The following SSBP2 variants were observed in gnomAD, a reference collection of about 807,000 sequenced individuals.
SSBP2 encodes the protein single-stranded DNA-binding protein 2.
SSBP2 carries 17 observed loss-of-function variants against 61.8 expected under a neutral mutation model. The ratio of observed to expected loss-of-function variants is 0.28; its 90% CI spans 0.19 to 0.41. The LOEUF is 0.41. Among genes scored for constraint, SSBP2 ranks in the 10% least tolerant of loss-of-function variants. The pLI, the probability that SSBP2 is intolerant of heterozygous loss-of-function variation, is 1.00. For missense variants in SSBP2, 310 were observed against 458.7 expected (o/e 0.68, Z 2.96); for synonymous variants, 139 against 141.3 (o/e 0.98, Z 0.12).
intron 1 of SSBP2, among the ~76,000 whole-genome samples, chr5:81,709,182 C>T (rs1017556465): frequency 4.0e-5 from 6 of 151,834 alleles, no homozygotes; most frequent in South Asian, 2.1e-4. Context: ...ATAATTGAGT[C>T]GACACTATTA....
At chr5:81,635,600 T>TTTTTTTTTTTTTTTTTTTTG in intron 3 of SSBP2, among the ~76,000 whole-genome samples, 1 of 138,458 alleles carries the variant, frequency 7.2e-6, no homozygotes, top group Non-Finnish European at 1.6e-5. Flanking sequence ...TTTTTTTTTT[T>TTTTTTTTTTTTTTTTTTTTG]TGAGACATTG....
chr5:81,447,859 T>C (rs1217221862), intron 11 of SSBP2: 1 of 152,228 alleles, frequency 6.6e-6, no homozygotes, highest in Non-Finnish European at 1.5e-5. Flanking sequence ...TTACTTTCAT[T>C]TTTATTTCAT....
At chr5:81,738,949 G>A (rs993522475) in intron 1 of SSBP2, among the ~76,000 whole-genome samples, 7 of 151,886 alleles carry the variant, frequency 4.6e-5, no homozygotes, top group African/African-American at 7.3e-5. Flanking sequence ...TGGATCACTC[G>A]AGGTCAGGAG....
chr5:81,720,676 T>TCTAA (rs1185825711), intron 1 of SSBP2, among the ~76,000 whole-genome samples: 2 of 152,200 alleles, frequency 1.3e-5, no homozygotes, highest in African/African-American at 4.8e-5. Flanking sequence ...CCTCTCTGCC[T>TCTAA]CTAAGCTTCT....
chr5:81,670,795 C>T (rs1751529460), intron 1 of SSBP2, among the ~76,000 whole-genome samples: 2 of 152,140 alleles, frequency 1.3e-5, no homozygotes, highest in Admixed American at 6.6e-5. Context: ...ATCCACTTTA[C>T]CTTCTTCTTT....
intron 1 of SSBP2, among the ~76,000 whole-genome samples, chr5:81,659,645 A>G (rs181987357): frequency 2.1e-4 from 32 of 152,328 alleles, no homozygotes; most frequent in Admixed American, 7.2e-4. Flanking sequence ...GACTTTCTTC[A>G]CAGAACTAAA....
chr5:81,434,731 A>T (rs1762567832), intron 15 of SSBP2, among the ~76,000 whole-genome samples: 1 of 151,952 alleles, frequency 6.6e-6, no homozygotes. Flanking sequence ...AAAAAACAGG[A>T]TGGAAATGAA....
At chr5:81,496,548 A>AT (rs1767296039) in intron 5 of SSBP2, among the ~76,000 whole-genome samples, 1 of 152,202 alleles carries the variant, frequency 6.6e-6, no homozygotes, top group Non-Finnish European at 1.5e-5. Flanking sequence ...TTACAAAATA[A>AT]TTTAGCAAGT....
At chr5:81,719,126 A>C (rs1755375453) in intron 1 of SSBP2, among the ~76,000 whole-genome samples, 1 of 152,166 alleles carries the variant, frequency 6.6e-6, no homozygotes. Context: ...TTGTTTATGC[A>C]TTAGGATCCA....
chr5:81,725,924 T>C (rs1376394155), intron 1 of SSBP2, among the ~76,000 whole-genome samples: 1 of 152,090 alleles, frequency 6.6e-6, no homozygotes, highest in Admixed American at 6.6e-5. Context: ...TGGATCTGTT[T>C]GAAGTTTTCT....
intron 16 of SSBP2, among the ~76,000 whole-genome samples, chr5:81,426,953 C>T (rs557915072): frequency 9.9e-5 from 15 of 152,266 alleles, no homozygotes; most frequent in Admixed American, 5.2e-4. Flanking sequence ...TAATCTGACA[C>T]GTTTTAGTTA....
In SSBP2 at chr5:81,713,576, T is replaced by C. The variant is rs182668159; in HGVS notation, c.62+37405A>G. Among the ~76,000 whole-genome samples, 11 of 152,186 alleles carry C rather than the reference T, an allele frequency of 7.2e-5. No individual in the cohort carries two copies. The East Asian group carries it at 1.9e-3, about 27-fold the overall frequency. On this transcript the variant is annotated intron_variant, in intron 1 of 16. Transcript: ENST00000320672. ...TCTGACCAGCCTAAAATAAGACACT[T>C]AAAAGATGTACATCGCCAATAAAAC...
At position 81,541,385 on chromosome 5, in the gene SSBP2, C is replaced by T. The variant is rs567230688; in HGVS notation, c.283-27668G>A. Among the ~76,000 whole-genome samples the T allele has an allele frequency of 7.2e-5, 11 of 152,212 alleles. No individual in the cohort carries two copies. In the South Asian group the frequency reaches 2.3e-3, roughly 32 times the overall value. On this transcript the variant is annotated intron_variant, in intron 4 of 16. Transcript: ENST00000320672. Reference sequence around the variant, plus strand: ...ATTCAATGCTATTCATACCAAACTACCAATGTCATTTTTCACAGAACTAGA... The same window carrying T: ...ATTCAATGCTATTCATACCAAACTATCAATGTCATTTTTCACAGAACTAGA...
At chr5:81,631,870 A>G (rs1747757003) in intron 3 of SSBP2, among the ~76,000 whole-genome samples, 1 of 152,186 alleles carries the variant, frequency 6.6e-6, no homozygotes, top group African/African-American at 2.4e-5. Flanking sequence ...TAAAACTGAG[A>G]CTGAAAACAA....
intron 4 of SSBP2, among the ~76,000 whole-genome samples, chr5:81,592,866 G>A (rs1272385750): frequency 1.3e-5 from 2 of 152,098 alleles, no homozygotes; most frequent in African/African-American, 4.8e-5. Flanking sequence ...AAGACCAAAG[G>A]TGGATACAAC....
At chr5:81,603,932 G>A (rs1744626981) in intron 4 of SSBP2, among the ~76,000 whole-genome samples, 1 of 152,016 alleles carries the variant, frequency 6.6e-6, no homozygotes, top group Non-Finnish European at 1.5e-5. Context: ...AACAAAATTT[G>A]AGCCTAATAA....
At chr5:81,547,701 G>C (rs1168892062) in intron 4 of SSBP2, among the ~76,000 whole-genome samples, 1 of 152,058 alleles carries the variant, frequency 6.6e-6, no homozygotes, top group Non-Finnish European at 1.5e-5. Context: ...TCAAACTCCT[G>C]GGCTCAAGTG....
chr5:81,513,161 C>A (rs145292765), intron 5 of SSBP2, among the ~76,000 whole-genome samples: 1 of 152,056 alleles, frequency 6.6e-6, no homozygotes, highest in East Asian at 1.9e-4. Context: ...AAAATTCCAG[C>A]TTAAAAGCCC....
intron 3 of SSBP2, among the ~76,000 whole-genome samples, chr5:81,622,760 T>G (rs1746730446): frequency 6.6e-6 from 1 of 152,164 alleles, no homozygotes; most frequent in Non-Finnish European, 1.5e-5. Context: ...CCTTCAAAGA[T>G]TCATTTAGTC....
Sources: allele counts gnomAD v4.1 joint callset (sites outside exome capture counted in the v4.1 genomes callset), GRCh38; gene constraint gnomAD v4.1.1; transcripts MANE v1.5; gene names NCBI Gene and HGNC (gene_info 2026-07-23, HGNC 2026-07-21).